Variants in RBM33 observed in about 807,000 individuals in gnomAD.
RBM33 encodes RNA-binding protein 33.
A neutral mutation model predicts 132.6 loss-of-function variants in RBM33; 28 were observed. The ratio of observed to expected loss-of-function variants is 0.21; its 90% CI spans 0.16 to 0.29. The LOEUF is 0.29. Ranked by LOEUF, RBM33 falls within the 10% of genes least tolerant of loss-of-function variation. The pLI is 1.00. For missense variants in RBM33, 1,291 were observed against 1,518.5 expected (o/e 0.85, Z 2.49); for synonymous variants, 634 against 593.0 (o/e 1.07, Z -1.01).
intron 15 of RBM33, among the ~76,000 whole-genome samples, chr7:155,765,392 C>A (rs1316029532): frequency 6.6e-6 from 1 of 152,204 alleles, no homozygotes. Context: ...TAACCCCTTG[C>A]AACTGTTTTA....
rs2286236 is a variant in RBM33, at chr7:155,779,262, T to C, written c.*4221T>C. The stretch of plus-strand genomic sequence containing the variant: ...TGGGCGAGAGAAAGCTCGAAAGGTA[T>C]TATTGGTTTTTCAAAAAATTAGAGG... On this transcript the variant is annotated 3_prime_UTR_variant, in exon 18 of 18. Coordinates refer to ENST00000401878, the MANE Select transcript of RBM33 (RefSeq NM_053043.3). The C allele has an allele frequency of 6.6e-6, 1 of 150,886 alleles. No individual in the cohort carries two copies. The highest frequency in any genetic ancestry group is 2.5e-5 in the African/African-American group (1 of 40,790). The allele number at this position is 150,886 out of a possible 1,614,324, so 9.3% of individuals were successfully genotyped here. A position where few individuals can be genotyped will look rare whatever the true frequency, so the allele number is the denominator to read the frequency against.
chr7:155,779,036 C>G lies in RBM33; in HGVS notation c.*3995C>G, dbSNP rs967318616. ...CATTCCTGGTGCGGTGTCTGCAGTGCCCTTTGTGGGTGACTTCAGGCTTCC... is the reference window on the plus strand; with the variant it reads ...CATTCCTGGTGCGGTGTCTGCAGTGGCCTTTGTGGGTGACTTCAGGCTTCC... On this transcript the variant is annotated 3_prime_UTR_variant, in exon 18 of 18. Transcript: ENST00000401878. 3 of 152,300 alleles carry G rather than the reference C, an allele frequency of 2.0e-5. No individual in the cohort carries two copies. The highest frequency in any genetic ancestry group is 4.4e-5 in the Non-Finnish European group (3 of 68,086). 9.4% of individuals were successfully genotyped at this position (152,300 alleles called of 1,614,324 possible). A position where few individuals can be genotyped will look rare whatever the true frequency, so the allele number is the denominator to read the frequency against.
intron 1 of RBM33, among the ~76,000 whole-genome samples, chr7:155,661,029 CATTTT>C (rs1211799126): frequency 6.6e-6 from 1 of 150,592 alleles, no homozygotes; most frequent in Non-Finnish European, 1.5e-5. Context: ...CTAATGAACT[CATTTT>C]AGTTATTTTT....
At chr7:155,772,430 A>G (rs996597407) in intron 16 of RBM33, among the ~76,000 whole-genome samples, 4 of 152,236 alleles carry the variant, frequency 2.6e-5, no homozygotes, top group African/African-American at 9.6e-5. Flanking sequence ...TCACAGGCTA[A>G]TACACAAAAG....
intron 5 of RBM33, among the ~76,000 whole-genome samples, chr7:155,681,285 A>G (rs1799330824): frequency 6.6e-6 from 1 of 152,246 alleles, no homozygotes; most frequent in Non-Finnish European, 1.5e-5. Context: ...TTGACCTGCT[A>G]AAGACATCTT....
In RBM33 at chr7:155,706,795, C is replaced by G. The variant is rs544959216; in HGVS notation, c.740-65C>G. The G allele has an allele frequency of 9.7e-5, 127 of 1,308,772 alleles. 1 individual carries two copies. In the South Asian group the frequency reaches 1.4e-3, roughly 15 times the overall value. 81.1% of individuals were successfully genotyped at this position (1,308,772 alleles called of 1,614,324 possible). A position where few individuals can be genotyped will look rare whatever the true frequency, so the allele number is the denominator to read the frequency against. On this transcript the variant is annotated intron_variant, in intron 6 of 17. Coordinates refer to ENST00000401878, the MANE Select transcript of RBM33 (RefSeq NM_053043.3). ...CATTGTCACATCATTCTTTCCTGTT[C>G]TCTCCCTAGACCTCCAGTTTGGGCT...
At chr7:155,668,414 G>T (rs1798857899) in intron 2 of RBM33, among the ~76,000 whole-genome samples, 1 of 152,166 alleles carries the variant, frequency 6.6e-6, no homozygotes, top group East Asian at 1.9e-4. Context: ...ACTCCCTGAG[G>T]TGTTTTTAGT....
Position 155,706,905 on chromosome 7 carries a change from GGGAGCGACAGCATAAACAA to G in RBM33, c.789_807del (p.Glu263AspfsTer15). 6.2e-7 allele frequency: 1 copy of G among 1,607,366 alleles called. No homozygotes were observed. The highest frequency in any genetic ancestry group is 8.5e-7 in the Non-Finnish European group (1 of 1,177,100). ...GCAGCATTGCTTGAATTTGAAGAAA[GGGAGCGACAGCATAAACAA>G]GGACGCTACAGCTCCAGGCGGGGAG... On this transcript the variant is annotated frameshift_variant, in exon 7 of 18. Coordinates refer to ENST00000401878, the MANE Select transcript of RBM33 (RefSeq NM_053043.3). LOFTEE classifies it high-confidence loss of function.
chr7:155,645,853 CGTT>C (rs1422627976), intron 1 of RBM33, among the ~76,000 whole-genome samples: 2 of 152,148 alleles, frequency 1.3e-5, no homozygotes, highest in Non-Finnish European at 2.9e-5. Flanking sequence ...CAGATGGTTA[CGTT>C]GTTATCATCC....
intron 6 of RBM33, chr7:155,701,193 G>A: frequency 3.6e-6 from 2 of 548,080 alleles, no homozygotes; most frequent in Admixed American, 6.9e-5. Flanking sequence ...ATTTTTTTTT[G>A]AGTCTGTGGC....
intron 8 of RBM33, among the ~76,000 whole-genome samples, chr7:155,711,731 G>A (rs1800308531): frequency 6.6e-6 from 1 of 152,168 alleles, no homozygotes; most frequent in South Asian, 2.1e-4. Context: ...GCTGAAGGTA[G>A]GTGAGGCTAA....
At chr7:155,671,946 A>G (rs759579905) in intron 2 of RBM33, among the ~76,000 whole-genome samples, 19 of 152,172 alleles carry the variant, frequency 1.2e-4, no homozygotes, top group Non-Finnish European at 2.6e-4. Context: ...TTTCTGTTTT[A>G]GTTGTAAAAA....
Position 155,775,189 on chromosome 7 carries a change from G to A in RBM33, c.*148G>A, listed in dbSNP as rs754176408. ...GTTCTCCAGAGCGCCAGCCAGCCAC[G>A]GGCCTGATTCCAGAGGAGCCGAACT... is the stretch of plus-strand genomic sequence containing the variant. On this transcript the variant is annotated 3_prime_UTR_variant, in exon 18 of 18. Coordinates refer to ENST00000401878, the MANE Select transcript of RBM33 (RefSeq NM_053043.3). The A allele has an allele frequency of 2.6e-6, 2 of 755,360 alleles. No homozygotes were observed. The highest frequency in any genetic ancestry group is 2.4e-6 in the Non-Finnish European group (1 of 421,248). The allele number at this position is 755,360 out of a possible 1,614,324, so 46.8% of individuals were successfully genotyped here. A position where few individuals can be genotyped will look rare whatever the true frequency, so the allele number is the denominator to read the frequency against.
At chr7:155,670,170 C>T (rs1344861777) in intron 2 of RBM33, among the ~76,000 whole-genome samples, 2 of 152,198 alleles carry the variant, frequency 1.3e-5, no homozygotes, top group Admixed American at 6.5e-5. Context: ...AGCTCATTGT[C>T]TGTAAGCTTT....
intron 1 of RBM33, 24 bp downstream of exon 1, chr7:155,644,943 G>T: frequency 1.3e-6 from 2 of 1,489,656 alleles, no homozygotes; most frequent in South Asian, 1.3e-5. Flanking sequence ...CCGGACTCTG[G>T]GGGCCAGGAC....
At chr7:155,695,970 T>G (rs1457923014) in intron 5 of RBM33, among the ~76,000 whole-genome samples, 4 of 152,192 alleles carry the variant, frequency 2.6e-5, no homozygotes, top group African/African-American at 4.8e-5. Context: ...ATTCCGTTTT[T>G]TCCATACGTT....
chr7:155,673,762 ATGCG>A lies in RBM33; in HGVS notation c.171+848_171+851del, dbSNP rs1476010017. 4.7e-3 allele frequency among the ~76,000 whole-genome samples: 108 copies of A among 23,172 alleles called. 8 individuals carry two copies. Among genetic ancestry groups the A allele is most frequent in the African/African-American group, 0.014 (99 of 7,054 alleles). 15.2% of individuals were successfully genotyped at this position (23,172 alleles called of 152,430 possible). The stretch of plus-strand genomic sequence containing the variant: ...CATACACACGTGTATATACGCGCGC[ATGCG>A]CGCACACACACACACACACACACAC... On this transcript the variant is annotated intron_variant, in intron 3 of 17. Coordinates refer to ENST00000401878, the MANE Select transcript of RBM33 (RefSeq NM_053043.3).
At chr7:155,680,099 C>G (rs1799296362) in intron 4 of RBM33, among the ~76,000 whole-genome samples, 1 of 152,130 alleles carries the variant, frequency 6.6e-6, no homozygotes, top group Non-Finnish European at 1.5e-5. Flanking sequence ...TTTATAATTT[C>G]TATCACAGAT....
At chr7:155,665,828 G>A (rs1798785925) in intron 2 of RBM33, among the ~76,000 whole-genome samples, 1 of 152,210 alleles carries the variant, frequency 6.6e-6, no homozygotes, top group African/African-American at 2.4e-5. Context: ...GGTTAGAGAT[G>A]TGTTCTGGGA....
Sources: gnomAD v4.1 joint callset for allele counts (sites outside exome capture counted in the v4.1 genomes callset) on GRCh38, gnomAD v4.1.1 for gene constraint, MANE v1.5 for transcripts, NCBI Gene and HGNC (gene_info 2026-07-23, HGNC 2026-07-21) for gene names.